GNAI1: variants seen among roughly 807,000 people sequenced by gnomAD.
The protein encoded by GNAI1 is G protein subunit alpha i1.
Under a neutral mutation model 38.9 loss-of-function variants are expected in GNAI1, and 11 were observed. That is an observed-to-expected ratio of 0.28 (90% CI 0.18 to 0.47). GNAI1 has a LOEUF of 0.47. Ranked by LOEUF, GNAI1 falls within the 20% of genes least tolerant of loss-of-function variation. GNAI1 has a pLI of 0.99. For synonymous variants in GNAI1, 166 were observed against 145.1 expected (o/e 1.14, Z -1.04); for missense variants, 317 against 436.9 (o/e 0.73, Z 2.45).
intron 1 of GNAI1, among the ~76,000 whole-genome samples, chr7:80,154,331 A>G (rs761994408): frequency 1.5e-4 from 23 of 152,176 alleles, no homozygotes; most frequent in Non-Finnish European, 2.5e-4. Flanking sequence ...CATTTTGTTA[A>G]TGGTGTATTT....
chr7:80,188,731 C>A (rs1420361130), intron 1 of GNAI1, among the ~76,000 whole-genome samples: 1 of 152,110 alleles, frequency 6.6e-6, no homozygotes, highest in East Asian at 1.9e-4. Context: ...TACTGTACAA[C>A]TACAGTTCTC....
intron 3 of GNAI1, among the ~76,000 whole-genome samples, chr7:80,192,701 G>GT (rs1280289170): frequency 1.3e-5 from 2 of 151,816 alleles, no homozygotes; most frequent in African/African-American, 4.8e-5. Flanking sequence ...TTTTTTTTCT[G>GT]TTTGTTTTTT....
intron 3 of GNAI1, 38 bp downstream of exon 3, chr7:80,189,269 A>G (rs772225096): frequency 1.9e-6 from 3 of 1,570,990 alleles, no homozygotes; most frequent in South Asian, 2.3e-5. Context: ...CCTGATGGGT[A>G]AAAAGAATAA....
intron 5 of GNAI1, among the ~76,000 whole-genome samples, chr7:80,209,422 A>T (rs554799055): frequency 5.9e-5 from 9 of 152,312 alleles, no homozygotes; most frequent in East Asian, 1.9e-4. Context: ...TGCCAGTTTT[A>T]GCCTGTAGAG....
At chr7:80,203,242 G>C (rs991759881) in intron 4 of GNAI1, among the ~76,000 whole-genome samples, 1 of 152,074 alleles carries the variant, frequency 6.6e-6, no homozygotes, top group Non-Finnish European at 1.5e-5. Context: ...GAAACATCTC[G>C]TTCAGCCTTT....
rs66492765 is a variant in GNAI1 at position 80,143,921 on chromosome 7, TGCGC to T, written c.118+8647_118+8650del. On this transcript the variant is annotated intron_variant, in intron 1 of 7. Transcript: ENST00000649796. ...TAGCAAGGATGTGTGTGTGTGTGTGTGCGCGCGTGTGTGTATCTATATGTGTGCA... is the reference window on the plus strand; with the variant it reads ...TAGCAAGGATGTGTGTGTGTGTGTGTGCGTGTGTGTATCTATATGTGTGCA... Among the ~76,000 whole-genome samples the T allele has an allele frequency of 2.0e-4, 23 of 113,774 alleles. No homozygotes were observed. The South Asian group carries it at 5.1e-3, about 25-fold the overall frequency. The allele number at this position is 113,774 out of a possible 152,430, so 74.6% of individuals were successfully genotyped here.
chr7:80,219,032 T>TGTGTGTGA lies in GNAI1; in HGVS notation c.*1546_*1547insAGTGTGTG, dbSNP rs1789026633. ...GTCACTGGGTTGAAGTATATTTGTG[T>TGTGTGTGA]GTGTGTGTGTGTGTGTGTGTGTGTG... On this transcript the variant is annotated 3_prime_UTR_variant, in exon 8 of 8. Transcript: ENST00000649796. 1 of 149,184 alleles carries TGTGTGTGA rather than the reference T, an allele frequency of 6.7e-6. No individual in the cohort carries two copies. Among genetic ancestry groups the TGTGTGTGA allele is most frequent in the African/African-American group, 2.5e-5 (1 of 40,548 alleles). The allele number at this position is 149,184 out of a possible 1,614,324, so 9.2% of individuals were successfully genotyped here.
At chr7:80,206,105 A>G (rs566807454) in intron 5 of GNAI1, among the ~76,000 whole-genome samples, 2 of 152,152 alleles carry the variant, frequency 1.3e-5, no homozygotes, top group African/African-American at 4.8e-5. Flanking sequence ...TTGCTTCCAT[A>G]AGTATTTTAA....
chr7:80,226,051 G>T lies in GNAI1; in HGVS notation c.*8558G>T, dbSNP rs1410103811. ...TGTTATTTTTGTTTTAAGTTTGGAAGAACCTGAATGATTAAACCTGATTTA... is the reference window on the plus strand; with the variant it reads ...TGTTATTTTTGTTTTAAGTTTGGAATAACCTGAATGATTAAACCTGATTTA... On this transcript the variant is annotated 3_prime_UTR_variant, in exon 8 of 8. Coordinates refer to ENST00000649796, the MANE Select transcript of GNAI1 (RefSeq NM_002069.6). Among the ~76,000 whole-genome samples, 1 of 151,954 alleles carries T rather than the reference G, an allele frequency of 6.6e-6. No homozygotes were observed. Among genetic ancestry groups the T allele is most frequent in the African/African-American group, 2.4e-5 (1 of 41,368 alleles).
chr7:80,221,851 A>G lies in GNAI1; in HGVS notation c.*4358A>G, dbSNP rs1018339602. On this transcript the variant is annotated 3_prime_UTR_variant, in exon 8 of 8. Coordinates refer to ENST00000649796, the MANE Select transcript of GNAI1 (RefSeq NM_002069.6). ...AAAGGGGGGTTTCACCATGTTGGCC[A>G]GGATGGTCTTGATCACCTGACCTTG... 3.9e-5 allele frequency among the ~76,000 whole-genome samples: 6 copies of G among 152,076 alleles called. No homozygotes were observed. The highest frequency in any genetic ancestry group is 2.6e-4 in the Admixed American group (4 of 15,242).
intron 1 of GNAI1, among the ~76,000 whole-genome samples, chr7:80,152,209 T>G (rs1787739844): frequency 6.6e-6 from 1 of 152,204 alleles, no homozygotes; most frequent in Non-Finnish European, 1.5e-5. Flanking sequence ...ATACTGCCTC[T>G]CAGTCCTCTG....
intron 2 of GNAI1, 40 bp from the exon 3 acceptor site, chr7:80,189,050 G>T: frequency 6.2e-7 from 1 of 1,600,750 alleles, no homozygotes; most frequent in South Asian, 1.1e-5. Context: ...TTCTACCAAA[G>T]GAAGTAAATA....
intron 5 of GNAI1, 31 bp from the exon 6 acceptor site, chr7:80,210,938 T>C (rs1788862258): frequency 1.9e-6 from 3 of 1,600,446 alleles, no homozygotes; most frequent in African/African-American, 2.7e-5. Context: ...GAACATTTAA[T>C]GTGATGTTAA....
chr7:80,202,255 G>A (rs995460201), intron 4 of GNAI1, among the ~76,000 whole-genome samples: 1 of 151,722 alleles, frequency 6.6e-6, no homozygotes, highest in South Asian at 2.1e-4. Flanking sequence ...ACGTCCAGCT[G>A]ATTTTTGCAT....
In GNAI1 at chr7:80,156,317, G is replaced by A. The variant is rs180794617; in HGVS notation, c.118+21039G>A. Among the ~76,000 whole-genome samples the A allele has an allele frequency of 3.1e-3, 473 of 152,270 alleles. 4 individuals carry two copies. Among genetic ancestry groups the A allele is most frequent in the African/African-American group, 0.011 (458 of 41,542 alleles). Reference sequence around the variant, plus strand: ...GGAAATAAAAGATTCTTATACTCTGGATGTAGCAGTGAATAAGAGATTTAA... The same window carrying A: ...GGAAATAAAAGATTCTTATACTCTGAATGTAGCAGTGAATAAGAGATTTAA... On this transcript the variant is annotated intron_variant, in intron 1 of 7. Transcript: ENST00000649796.
intron 3 of GNAI1, among the ~76,000 whole-genome samples, chr7:80,197,255 A>G (rs1788594689): frequency 6.6e-6 from 1 of 151,622 alleles, no homozygotes; most frequent in South Asian, 2.1e-4. Flanking sequence ...GAAAAATAAA[A>G]CATCATCTCA....
chr7:80,147,757 T>C (rs111537273), intron 1 of GNAI1, among the ~76,000 whole-genome samples: 2 of 152,184 alleles, frequency 1.3e-5, no homozygotes, highest in African/African-American at 4.8e-5. Flanking sequence ...AATTGCAAAA[T>C]AAGAACTATT....
intron 3 of GNAI1, among the ~76,000 whole-genome samples, chr7:80,196,936 TA>T (rs1788587831): frequency 6.6e-6 from 1 of 151,978 alleles, no homozygotes; most frequent in African/African-American, 2.4e-5. Flanking sequence ...GAAGAGCAGT[TA>T]AAACCTGTTT....
At chr7:80,188,417 G>A (rs1034140418) in intron 1 of GNAI1, among the ~76,000 whole-genome samples, 1 of 152,136 alleles carries the variant, frequency 6.6e-6, no homozygotes, top group Non-Finnish European at 1.5e-5. Context: ...ACAAACAACA[G>A]TAGAAGCATG....
Sources: allele counts gnomAD v4.1 joint callset (sites outside exome capture counted in the v4.1 genomes callset), GRCh38; gene constraint gnomAD v4.1.1; transcripts MANE v1.5; gene names NCBI Gene and HGNC (gene_info 2026-07-23, HGNC 2026-07-21).